The following DNAJB6 variants were observed in gnomAD, a reference collection of about 807,000 sequenced individuals.
DNAJB6 encodes DnaJ heat shock protein family (Hsp40) member B6, also known as dnaJ homolog subfamily B member 6.
In DNAJB6, 16 loss-of-function variants were observed where a neutral mutation model predicts 42.7. The observed-to-expected ratio is 0.37, with a 90% CI of 0.25 to 0.57. The LOEUF (loss-of-function observed/expected upper bound fraction) is 0.57, where lower values mean the gene tolerates loss of function less well. Among genes scored for constraint, DNAJB6 ranks in the 20% least tolerant of loss-of-function variants. The pLI, the probability that DNAJB6 is intolerant of heterozygous loss-of-function variation, is 0.74. For synonymous variants in DNAJB6, 170 were observed against 163.5 expected, an observed-to-expected ratio of 1.04 and a Z score of -0.30; for missense variants, 347 against 416.8, an observed-to-expected ratio of 0.83 and a Z score of 1.46.
intron 1 of DNAJB6, among the ~76,000 whole-genome samples, chr7:157,353,439 G>T (rs1035142843): frequency 3.3e-5 from 5 of 152,124 alleles, no homozygotes; most frequent in African/African-American, 1.2e-4. Flanking sequence ...CTACAGTATT[G>T]TTAAATGTGG....
At chr7:157,406,229 G>T (rs1795763056) in intron 8 of DNAJB6, among the ~76,000 whole-genome samples, 1 of 152,254 alleles carries the variant, frequency 6.6e-6, no homozygotes, top group Non-Finnish European at 1.5e-5. Context: ...AGCTCGGTGT[G>T]GGGGTTTGGA....
chr7:157,402,327 C>T (rs1795557272), intron 8 of DNAJB6, among the ~76,000 whole-genome samples: 1 of 152,216 alleles, frequency 6.6e-6, no homozygotes, highest in Admixed American at 6.5e-5. Flanking sequence ...TGAGCTGCAC[C>T]CCTTCCACAG....
intron 5 of DNAJB6, among the ~76,000 whole-genome samples, chr7:157,370,196 CATT>C (rs963529813): frequency 3.3e-5 from 5 of 150,608 alleles, no homozygotes; most frequent in South Asian, 2.1e-4. Flanking sequence ...CCCTTCTTAA[CATT>C]ATTATTAAAG....
chr7:157,407,069 G>A (rs957985244), intron 8 of DNAJB6, among the ~76,000 whole-genome samples: 3 of 152,238 alleles, frequency 2.0e-5, no homozygotes, highest in Non-Finnish European at 2.9e-5. Flanking sequence ...TTTCACCTGC[G>A]GAGCAGGGGT....
chr7:157,342,865 T>G (rs1342726534), intron 1 of DNAJB6, among the ~76,000 whole-genome samples: 3 of 152,172 alleles, frequency 2.0e-5, no homozygotes, highest in Non-Finnish European at 4.4e-5. Context: ...ACTTCTGTGT[T>G]TGTTTCAGAA....
At chr7:157,358,188 A>G (rs1013516985) in intron 1 of DNAJB6, among the ~76,000 whole-genome samples, 14 of 152,164 alleles carry the variant, frequency 9.2e-5, no homozygotes, top group African/African-American at 3.1e-4. Context: ...GAAAGAGGTA[A>G]CTGACGTTCC....
chr7:157,346,088 C>T (rs988743159), intron 1 of DNAJB6, among the ~76,000 whole-genome samples: 6 of 151,842 alleles, frequency 4.0e-5, no homozygotes, highest in African/African-American at 1.5e-4. Context: ...AACACACGGG[C>T]CAGGAGAAGA....
At chr7:157,364,381 C>T (rs937114718) in intron 3 of DNAJB6, among the ~76,000 whole-genome samples, 1 of 152,058 alleles carries the variant, frequency 6.6e-6, no homozygotes, top group Admixed American at 6.6e-5. Flanking sequence ...ATAAAAACAC[C>T]GATATTTGAA....
intron 3 of DNAJB6, among the ~76,000 whole-genome samples, chr7:157,365,061 C>G (rs1252299904): frequency 6.6e-6 from 1 of 152,198 alleles, no homozygotes; most frequent in Non-Finnish European, 1.5e-5. Flanking sequence ...AAGCGATTCT[C>G]CCATCTCGGC....
chr7:157,391,490 G>A (rs1225597983), intron 8 of DNAJB6, among the ~76,000 whole-genome samples: 2 of 152,214 alleles, frequency 1.3e-5, no homozygotes, highest in Non-Finnish European at 2.9e-5. Flanking sequence ...CTCCTGCGGT[G>A]GCTGCTGGGG....
At chr7:157,407,526 C>A (rs1196837423) in intron 8 of DNAJB6, among the ~76,000 whole-genome samples, 1 of 152,186 alleles carries the variant, frequency 6.6e-6, no homozygotes, top group African/African-American at 2.4e-5. Context: ...TTAGCACCGG[C>A]AGGTTCTGGT....
In DNAJB6 at chr7:157,395,825, T is replaced by C. The variant is rs369630231; in HGVS notation, c.691+10214T>C. 2.4e-4 allele frequency among the ~76,000 whole-genome samples: 36 copies of C among 151,558 alleles called. No homozygotes were observed. The South Asian group carries it at 7.5e-3, about 32-fold the overall frequency. On this transcript the variant is annotated intron_variant, in intron 8 of 9. Coordinates refer to ENST00000262177, the MANE Select transcript of DNAJB6 (RefSeq NM_058246.4). ...GTGCCACCACACCCGGCTAATTCTT[T>C]TTATATTTTCAGTAGAGACAGAGTT... is the stretch of plus-strand genomic sequence containing the variant.
intron 3 of DNAJB6, among the ~76,000 whole-genome samples, chr7:157,365,668 A>G (rs914282985): frequency 1.3e-4 from 20 of 151,408 alleles, no homozygotes; most frequent in African/African-American, 4.4e-4. Context: ...AAAGAAAAAA[A>G]TTTTTTTTTG....
chr7:157,384,198 A>G (rs143612605), intron 6 of DNAJB6, among the ~76,000 whole-genome samples: 1 of 152,232 alleles, frequency 6.6e-6, no homozygotes, highest in African/African-American at 2.4e-5. Context: ...CACTGCGATA[A>G]TATCCATAAT....
intron 9 of DNAJB6, chr7:157,413,923 T>C (rs954762107): frequency 6.6e-6 from 1 of 152,180 alleles, no homozygotes; most frequent in African/African-American, 2.4e-5. Flanking sequence ...GGTTTCTCCA[T>C]GTTGGACTGG....
intron 1 of DNAJB6, among the ~76,000 whole-genome samples, chr7:157,345,993 C>G (rs2116875109): frequency 1.3e-5 from 2 of 151,918 alleles, no homozygotes; most frequent in Middle Eastern, 3.4e-3. Context: ...TCTCGCTGGG[C>G]AGGGAAGGCA....
At chr7:157,376,916 G>T (rs138246040) in intron 5 of DNAJB6, among the ~76,000 whole-genome samples, 1 of 152,108 alleles carries the variant, frequency 6.6e-6, no homozygotes, top group South Asian at 2.1e-4. Flanking sequence ...ACATTGTTTT[G>T]GCCCAGAAAG....
At chr7:157,385,145 C>A in intron 7 of DNAJB6, 137 bp downstream of exon 7, 1 of 893,994 alleles carries the variant, frequency 1.1e-6, no homozygotes, top group African/African-American at 1.7e-5. Flanking sequence ...TTTTGCTCTC[C>A]AAATTCATTA....
At chr7:157,386,839 G>A (rs1019447562) in intron 8 of DNAJB6, among the ~76,000 whole-genome samples, 2 of 151,348 alleles carry the variant, frequency 1.3e-5, no homozygotes, top group South Asian at 4.2e-4. Context: ...AGCTGAGATC[G>A]TGCCATTGCA....
Sources: gnomAD v4.1 joint callset for allele counts (sites outside exome capture counted in the v4.1 genomes callset) on GRCh38, gnomAD v4.1.1 for gene constraint, MANE v1.5 for transcripts, NCBI Gene and HGNC (gene_info 2026-07-23, HGNC 2026-07-21) for gene names.